Variants in CCPG1 observed in about 807,000 individuals in gnomAD.
The protein encoded by CCPG1 is cell cycle progression 1.
In CCPG1, 46 loss-of-function variants were observed where a neutral mutation model predicts 81.3. The observed-to-expected ratio is 0.57, with a 90% CI of 0.45 to 0.72. The LOEUF is 0.72. CCPG1 is among the 30% of genes least tolerant of loss of function. The pLI, the probability that CCPG1 is intolerant of heterozygous loss-of-function variation, is 0.00. For synonymous variants in CCPG1, 330 were observed against 305.2 expected, an observed-to-expected ratio of 1.08 and a Z score of -0.85; for missense variants, 902 against 937.6, an observed-to-expected ratio of 0.96 and a Z score of 0.50.
At chr15:55,404,342 CA>C (rs1426607427) in intron 1 of CCPG1, among the ~76,000 whole-genome samples, 1 of 150,484 alleles carries the variant, frequency 6.6e-6, no homozygotes. Context: ...TGATAGTAGC[CA>C]AAAAAAAGAA....
chr15:55,395,296 A>G (rs2056994744), intron 1 of CCPG1, among the ~76,000 whole-genome samples: 2 of 99,954 alleles, frequency 2.0e-5, no homozygotes, highest in Admixed American at 8.6e-5. Flanking sequence ...CAATCAAAGG[A>G]AAAAAAAAAA....
chr15:55,378,757 C>T (rs990012457), intron 3 of CCPG1, among the ~76,000 whole-genome samples: 3 of 152,052 alleles, frequency 2.0e-5, no homozygotes, highest in South Asian at 2.1e-4. Flanking sequence ...ACATACGCCA[C>T]GGCTAATTTT....
At chr15:55,366,963 C>T (rs1272696541) in intron 6 of CCPG1, among the ~76,000 whole-genome samples, 1 of 152,130 alleles carries the variant, frequency 6.6e-6, no homozygotes, top group Non-Finnish European at 1.5e-5. Context: ...TAGAATTTTA[C>T]AAAGAAAGGA....
At chr15:55,401,665 C>CAA (rs59999532) in intron 1 of CCPG1, among the ~76,000 whole-genome samples, 1 of 138,310 alleles carries the variant, frequency 7.2e-6, no homozygotes, top group Non-Finnish European at 1.6e-5. Context: ...AACTCCGTCT[C>CAA]AAAAAAAAAA....
At position 55,360,673 on chromosome 15, in the gene CCPG1, CTG is replaced by C; in HGVS notation, c.1098_1099del (p.His366GlnfsTer4). On this transcript the variant is annotated frameshift_variant, in exon 8 of 9. Transcript: ENST00000442196. LOFTEE classifies it high-confidence loss of function. ...CAGAGTCTCCCTTTGACTAAGAAAGCTGTGTTTTTTCTGCTTTTCCTCTTCCA... is the reference window on the plus strand; with the variant it reads ...CAGAGTCTCCCTTTGACTAAGAAAGCTGTTTTTTCTGCTTTTCCTCTTCCA... 6.2e-7 allele frequency: 1 copy of C among 1,613,954 alleles called. No homozygotes were observed. Among genetic ancestry groups the C allele is most frequent in the Non-Finnish European group, 8.5e-7 (1 of 1,179,974 alleles).
At chr15:55,404,717 A>C (rs2057184217) in intron 1 of CCPG1, among the ~76,000 whole-genome samples, 1 of 152,180 alleles carries the variant, frequency 6.6e-6, no homozygotes, top group South Asian at 2.1e-4. Context: ...AAATCGCTTG[A>C]ACCCAGGAGT....
Position 55,359,539 on chromosome 15 carries a change from C to A in CCPG1, c.2234G>T (p.Ser745Ile). The A allele has an allele frequency of 1.3e-6, 2 of 1,598,676 alleles. No individual in the cohort carries two copies. Among genetic ancestry groups the A allele is most frequent in the Non-Finnish European group, 1.7e-6 (2 of 1,174,334 alleles). ...ATGACACGGTTTTATGTAAACCGAC[C>A]TGGGTCCATATGGAGGGGAAAAAGT... ...GHTFSPPYGP[S>I]RPDKKQRMVN... The change falls in exon 8 of 9, where the codon AGT becomes ATT. Residue 745 changes from serine to isoleucine, a missense_variant and splice_region_variant. Transcript: ENST00000442196.
chr15:55,368,737 T>G (rs1240680403), intron 6 of CCPG1, among the ~76,000 whole-genome samples: 1 of 152,232 alleles, frequency 6.6e-6, no homozygotes, highest in African/African-American at 2.4e-5. Flanking sequence ...CCCTGCAGTA[T>G]AGATCTGCCA....
At chr15:55,398,605 CAG>C (rs1012070870) in intron 1 of CCPG1, among the ~76,000 whole-genome samples, 65 of 151,184 alleles carry the variant, frequency 4.3e-4, no homozygotes, top group African/African-American at 1.5e-3. Flanking sequence ...TTTTTTGAGA[CAG>C]AGTCTCACTC....
At chr15:55,372,242 G>C in intron 5 of CCPG1, 198 bp from the exon 6 acceptor site, 3 of 593,260 alleles carry the variant, frequency 5.1e-6, no homozygotes, top group Non-Finnish European at 6.0e-6. Context: ...CATTTCAAAT[G>C]TGATACACAA....
chr15:55,371,342 T>C (rs2141267578), intron 6 of CCPG1, among the ~76,000 whole-genome samples: 1 of 152,338 alleles, frequency 6.6e-6, no homozygotes, highest in African/African-American at 2.4e-5. Context: ...AGTTACAAAG[T>C]ATGATACTTA....
In CCPG1 at chr15:55,366,008, C is replaced by T. The variant is rs111696613; in HGVS notation, c.707-699G>A. ...CAATCATTCATCAAATGGTGGTGAA[C>T]GTTAACGTAATATAAGTAAGGCCAA... On this transcript the variant is annotated intron_variant, in intron 6 of 8. Transcript: ENST00000442196. Among the ~76,000 whole-genome samples, 24 of 152,054 alleles carry T rather than the reference C, an allele frequency of 1.6e-4. 1 individual carries two copies. The highest frequency in any genetic ancestry group is 5.8e-4 in the African/African-American group (24 of 41,514).
intron 8 of CCPG1, 144 bp downstream of exon 8, chr15:55,359,395 A>C: frequency 7.1e-7 from 1 of 1,417,594 alleles, no homozygotes; most frequent in Non-Finnish European, 9.2e-7. Flanking sequence ...TCCATCTTTC[A>C]ATTTATTCTG....
At chr15:55,385,351 G>C (rs1446526463) in intron 3 of CCPG1, among the ~76,000 whole-genome samples, 1 of 152,090 alleles carries the variant, frequency 6.6e-6, no homozygotes, top group South Asian at 2.1e-4. Context: ...ATTTTTAGTA[G>C]AGACAGGGTT....
chr15:55,384,318 A>T (rs2056759045), intron 3 of CCPG1, among the ~76,000 whole-genome samples: 1 of 152,206 alleles, frequency 6.6e-6, no homozygotes, highest in Non-Finnish European at 1.5e-5. Context: ...AAGATCTCTG[A>T]TCACAGATCA....
In CCPG1 at chr15:55,385,635, T is replaced by C. The variant is rs368119523; in HGVS notation, c.140A>G (p.Gln47Arg). Residue 47 changes from glutamine (Q) to arginine (R), a missense_variant, in exon 3 of 9, where the codon CAA becomes CGA. Transcript: ENST00000442196. The stretch of plus-strand genomic sequence containing the variant: ...TATCTGCAATGCTTGAAGCTCCTCT[T>C]GCTCTAAAGATGAACATTCTGGGGC... ...EPAPECSSLE[Q>R]EELQALQIEQ... The C allele has an allele frequency of 6.8e-6, 11 of 1,609,308 alleles. No homozygotes were observed. The highest frequency in any genetic ancestry group is 5.4e-5 in the African/African-American group (4 of 74,584).
At chr15:55,395,996 A>G (rs2057009219) in intron 1 of CCPG1, among the ~76,000 whole-genome samples, 1 of 152,190 alleles carries the variant, frequency 6.6e-6, no homozygotes, top group African/African-American at 2.4e-5. Flanking sequence ...TCTACTAAAA[A>G]TACAAAAATT....
chr15:55,360,423 T>G lies in CCPG1; in HGVS notation c.1350A>C (p.Arg450Ser). 6.2e-7 allele frequency: 1 copy of G among 1,613,958 alleles called. No individual in the cohort carries two copies. Among genetic ancestry groups the G allele is most frequent in the East Asian group, 2.2e-5 (1 of 44,886 alleles). Reference protein sequence around the residue: ...FEQQRSDLWERLYVEAKDQNG... With the variant: ...FEQQRSDLWESLYVEAKDQNG... Reference sequence around the variant, plus strand: ...TTTGATCTTTTGCCTCAACATACAATCTTTCCCACAAATCAGAACGCTGCT... The same window carrying G: ...TTTGATCTTTTGCCTCAACATACAAGCTTTCCCACAAATCAGAACGCTGCT... Residue 450 changes from arginine (R) to serine (S), a missense_variant, in exon 8 of 9, where the codon AGA (arginine) becomes AGC (serine). This residue lies in a region of CCPG1 where 746 missense variants were observed against 728.6 expected (regional missense o/e 1.02). Transcript: ENST00000442196.
In CCPG1 at chr15:55,371,777, A is replaced by G. The variant is rs1397737306; in HGVS notation, c.706+16T>C. ...TATCCCATCAGGTTATGTATAACACATTTTTGAGTACTTACCATAGAAATG... is the reference window on the plus strand; with the variant it reads ...TATCCCATCAGGTTATGTATAACACGTTTTTGAGTACTTACCATAGAAATG... On this transcript the variant is annotated intron_variant, in intron 6 of 8. Coordinates refer to ENST00000442196, the MANE Select transcript of CCPG1 (RefSeq NM_001204450.2). 2 of 1,610,888 alleles carry G rather than the reference A, an allele frequency of 1.2e-6. No individual in the cohort carries two copies. Among genetic ancestry groups the G allele is most frequent in the Admixed American group, 1.7e-5 (1 of 59,928 alleles).
Sources: allele counts gnomAD v4.1 joint callset (sites outside exome capture counted in the v4.1 genomes callset), GRCh38; gene constraint gnomAD v4.1.1; regional missense constraint gnomAD v4.1.1; transcripts MANE v1.5; gene names NCBI Gene and HGNC (gene_info 2026-07-23, HGNC 2026-07-21).